Variants in UVSSA observed in about 807,000 individuals in gnomAD.
UVSSA encodes the protein UV stimulated scaffold protein A.
Under a neutral mutation model 73.9 loss-of-function variants are expected in UVSSA, and 72 were observed. The observed-to-expected ratio is 0.97, with a 90% confidence interval of 0.81 to 1.19. UVSSA has a LOEUF of 1.19. Ranked by LOEUF, UVSSA falls within the 50% of genes most tolerant of loss-of-function variation. The pLI, the probability that UVSSA is intolerant of heterozygous loss-of-function variation, is 0.00. For synonymous variants in UVSSA, 454 were observed against 391.3 expected (o/e 1.16, Z -1.89); for missense variants, 1,150 against 965.0 (o/e 1.19, Z -2.54).
chr4:1,346,891 T>G (rs948118092), upstream of UVSSA, among the ~76,000 whole-genome samples: 3 of 151,808 alleles, frequency 2.0e-5, no homozygotes, highest in African/African-American at 7.3e-5. Flanking sequence ...TGCGTCCCCC[T>G]CCCCACCCCC....
intron 8 of UVSSA, among the ~76,000 whole-genome samples, chr4:1,374,215 C>T (rs888018039): frequency 7.2e-5 from 11 of 152,224 alleles, no homozygotes; most frequent in African/African-American, 1.9e-4. Context: ...GGAGGACAGG[C>T]TCAAGTGCAG....
chr4:1,353,089 G>T lies in UVSSA; in HGVS notation c.610G>T (p.Val204Leu), dbSNP rs549659618. 1.9e-6 allele frequency: 3 copies of T among 1,613,060 alleles called. No individual in the cohort carries two copies. In the African/African-American group the frequency reaches 4.0e-5, roughly 21 times the overall value. The part of the protein sequence containing the change: ...TEVESCFRLL[V>L]PFDFDPNPET... Reference sequence around the variant, plus strand: ...GGTAGAGAGCTGCTTTAGGCTGCTGGTGCCTTTTGACTTTGACCCGAACCC... The same window carrying T: ...GGTAGAGAGCTGCTTTAGGCTGCTGTTGCCTTTTGACTTTGACCCGAACCC... The change falls in exon 5 of 14, where the codon GTG (valine) becomes TTG (leucine). Residue 204 changes from valine (V) to leucine (L), a missense_variant. Val to Leu is a conservative substitution (Grantham distance 32, BLOSUM62 1). Coordinates refer to ENST00000389851, the MANE Select transcript of UVSSA (RefSeq NM_020894.4).
chr4:1,348,743 T>A (rs1577271195), intron 2 of UVSSA, among the ~76,000 whole-genome samples: 1 of 152,234 alleles, frequency 6.6e-6, no homozygotes, highest in African/African-American at 2.4e-5. Flanking sequence ...GTTTATAGAT[T>A]GTTTATACAG....
chr4:1,385,690 C>T, intron 13 of UVSSA, 178 bp from the exon 14 acceptor site: 2 of 644,634 alleles, frequency 3.1e-6, no homozygotes, highest in Non-Finnish European at 5.4e-6. Context: ...TGTCTCGGGC[C>T]AGGGCCAAGG....
intron 13 of UVSSA, chr4:1,384,213 G>A (rs2109315090): frequency 2.1e-6 from 1 of 481,498 alleles, no homozygotes; most frequent in Non-Finnish European, 3.7e-6. Context: ...CGCTTCCTGG[G>A]GGAGCCATGC....
At chr4:1,355,319 T>G in intron 7 of UVSSA, 74 bp downstream of exon 7, 1 of 1,417,068 alleles carries the variant, frequency 7.1e-7, no homozygotes, top group Non-Finnish European at 9.7e-7. Flanking sequence ...GGGGGGGTTG[T>G]GCCCTGGGCC....
chr4:1,386,422 GCTTT>G lies in UVSSA; in HGVS notation c.*464_*467del, dbSNP rs2109324514. On this transcript the variant is annotated 3_prime_UTR_variant, in exon 14 of 14. Coordinates refer to ENST00000389851, the MANE Select transcript of UVSSA (RefSeq NM_020894.4). ...AGGCTAGTGAACCGTTCAGTCATCT[GCTTT>G]CTGTTTCTGGATGTGCCTTTTCATA... 6.3e-6 allele frequency: 1 copy of G among 159,660 alleles called. No individual in the cohort carries two copies. Among genetic ancestry groups the G allele is most frequent in the South Asian group, 1.8e-4 (1 of 5,582 alleles). 9.9% of individuals were successfully genotyped at this position (159,660 alleles called of 1,614,324 possible). A position where few individuals can be genotyped will look rare whatever the true frequency, so the allele number is the denominator to read the frequency against.
At chr4:1,385,724 A>T in intron 13 of UVSSA, 144 bp from the exon 14 acceptor site, 1 of 799,320 alleles carries the variant, frequency 1.3e-6, no homozygotes, top group South Asian at 1.6e-5. Context: ...TCTGTCTCTG[A>T]AGGTGGCACC....
intron 6 of UVSSA, 57 bp downstream of exon 6, chr4:1,354,904 G>C: frequency 7.3e-7 from 1 of 1,370,820 alleles, no homozygotes; most frequent in Non-Finnish European, 9.8e-7. Context: ...TGCCATGCAT[G>C]GGGGGGGTCC....
intron 12 of UVSSA, 39 bp downstream of exon 12, chr4:1,381,027 C>T: frequency 6.3e-7 from 1 of 1,576,158 alleles, no homozygotes; most frequent in Non-Finnish European, 8.7e-7. Flanking sequence ...GAGGCACAGC[C>T]TGGGACTCAC....
intron 5 of UVSSA, chr4:1,354,443 G>A (rs1715335424): frequency 4.5e-6 from 2 of 445,094 alleles, no homozygotes; most frequent in South Asian, 2.2e-5. Flanking sequence ...AGTAGAAGAG[G>A]CTGTGGGTGG....
At chr4:1,388,307 C>G (rs1720297474), downstream of UVSSA, 1 of 152,212 alleles carries the variant, frequency 6.6e-6, no homozygotes, top group African/African-American at 2.4e-5. Flanking sequence ...TGTGGAAGTA[C>G]AACTGACTTT....
intron 12 of UVSSA, among the ~76,000 whole-genome samples, chr4:1,382,390 C>T (rs1244087894): frequency 2.0e-5 from 3 of 152,230 alleles, no homozygotes; most frequent in South Asian, 2.1e-4. Flanking sequence ...TATTGATCCC[C>T]GCCTCCCTCG....
rs112410469 is a variant in UVSSA at position 1,355,465 on chromosome 4, G to A, written c.1176+220G>A. On this transcript the variant is annotated intron_variant, in intron 7 of 13. Transcript: ENST00000389851. ...ACAGTGCAGCTGTCGGGTGTTGCCC[G>A]GCTGCCGTGTATGGTAGCTGAGCAG... 6.2e-3 allele frequency among the ~76,000 whole-genome samples: 947 copies of A among 152,334 alleles called. 8 individuals carry two copies. The highest frequency in any genetic ancestry group is 0.022 in the African/African-American group (895 of 41,568).
downstream of UVSSA, chr4:1,389,037 C>T (rs1400503330): frequency 2.0e-5 from 3 of 152,080 alleles, no homozygotes; most frequent in African/African-American, 7.2e-5. Flanking sequence ...TGGAATTTAC[C>T]AGTGAAGGCT....
intron 8 of UVSSA, among the ~76,000 whole-genome samples, chr4:1,368,598 C>G (rs1416443588): frequency 6.6e-6 from 1 of 152,264 alleles, no homozygotes; most frequent in Admixed American, 6.5e-5. Flanking sequence ...GGCCTCGCAG[C>G]CCCTGCCGGG....
intron 8 of UVSSA, among the ~76,000 whole-genome samples, chr4:1,369,396 TG>T (rs932171399): frequency 4.6e-5 from 7 of 152,138 alleles, no homozygotes; most frequent in African/African-American, 1.7e-4. Flanking sequence ...GCGGGAAGCG[TG>T]GGGGCAGGCG....
intron 8 of UVSSA, among the ~76,000 whole-genome samples, chr4:1,369,170 T>G (rs1171548747): frequency 6.6e-6 from 1 of 152,264 alleles, no homozygotes; most frequent in African/African-American, 2.4e-5. Flanking sequence ...ATGTGCCCTG[T>G]GGGCCTGGCC....
intron 7 of UVSSA, among the ~76,000 whole-genome samples, chr4:1,365,257 G>A (rs534215022): frequency 2.0e-5 from 3 of 152,338 alleles, no homozygotes; most frequent in African/African-American, 4.8e-5. Flanking sequence ...TGTTATGCCC[G>A]CAAGACAGCT....
Sources: allele counts gnomAD v4.1 joint callset (sites outside exome capture counted in the v4.1 genomes callset), GRCh38; gene constraint gnomAD v4.1.1; transcripts MANE v1.5; gene names NCBI Gene and HGNC (gene_info 2026-07-23, HGNC 2026-07-21).